Variants in CSMD1 observed in about 807,000 individuals in gnomAD.
CSMD1 encodes CUB and sushi domain-containing protein 1.
Under a neutral mutation model 417.5 loss-of-function variants are expected in CSMD1, and 213 were observed. That is an observed-to-expected ratio of 0.51 (90% CI 0.46 to 0.57). The LOEUF (loss-of-function observed/expected upper bound fraction) is 0.57. Among genes scored for constraint, CSMD1 ranks in the 20% least tolerant of loss-of-function variants. CSMD1 has a pLI of 0.00. For synonymous variants in CSMD1, 2,862 were observed against 1,736.8 expected (o/e 1.65, Z -16.11); for missense variants, 6,923 against 4,529.7 (o/e 1.53, Z -15.17).
intron 2 of CSMD1, among the ~76,000 whole-genome samples, chr8:4,617,226 A>G (rs899621447): frequency 1.3e-5 from 2 of 152,212 alleles, no homozygotes; most frequent in African/African-American, 4.8e-5. Flanking sequence ...CAAATAGTGA[A>G]TAAAGAAAAT....
At chr8:4,286,744 T>A (rs1396746467) in intron 3 of CSMD1, among the ~76,000 whole-genome samples, 1 of 152,186 alleles carries the variant, frequency 6.6e-6, no homozygotes, top group African/African-American at 2.4e-5. Context: ...CAGCATCTGA[T>A]GCTTGATAAA....
intron 49 of CSMD1, among the ~76,000 whole-genome samples, chr8:3,081,794 A>G (rs1204523054): frequency 6.6e-6 from 1 of 152,242 alleles, no homozygotes; most frequent in African/African-American, 2.4e-5. Context: ...CAAATATGAT[A>G]AAGCAAATGA....
chr8:4,552,063 T>G (rs1310442748), intron 2 of CSMD1, among the ~76,000 whole-genome samples: 3 of 152,196 alleles, frequency 2.0e-5, no homozygotes, highest in Non-Finnish European at 4.4e-5. Flanking sequence ...ATCAAATTAT[T>G]GTCAATTGAA....
chr8:4,930,877 T>A (rs1037863734), intron 1 of CSMD1, among the ~76,000 whole-genome samples: 2 of 152,250 alleles, frequency 1.3e-5, no homozygotes, highest in African/African-American at 4.8e-5. Context: ...GTTCCCAGAA[T>A]TACTGTATGT....
intron 5 of CSMD1, among the ~76,000 whole-genome samples, chr8:3,987,334 C>G (rs181288786): frequency 6.6e-6 from 1 of 152,166 alleles, no homozygotes; most frequent in Non-Finnish European, 1.5e-5. Context: ...CTCCAAGTAC[C>G]GACAGCATCT....
At chr8:4,355,129 G>T (rs921264667) in intron 3 of CSMD1, among the ~76,000 whole-genome samples, 9 of 151,912 alleles carry the variant, frequency 5.9e-5, no homozygotes, top group African/African-American at 1.2e-4. Flanking sequence ...GGGCGTGGTG[G>T]CGGGCGCCTG....
intron 5 of CSMD1, among the ~76,000 whole-genome samples, chr8:3,836,170 T>G (rs1435731856): frequency 1.3e-5 from 2 of 152,166 alleles, no homozygotes; most frequent in African/African-American, 4.8e-5. Flanking sequence ...ATTGTCTCAG[T>G]TTATTATAGA....
At chr8:4,293,399 C>T (rs941718210) in intron 3 of CSMD1, among the ~76,000 whole-genome samples, 4 of 152,274 alleles carry the variant, frequency 2.6e-5, no homozygotes, top group East Asian at 1.9e-4. Flanking sequence ...TAAGCTCCTG[C>T]ATTATTAACC....
intron 3 of CSMD1, among the ~76,000 whole-genome samples, chr8:4,186,214 C>T (rs759608556): frequency 1.3e-5 from 2 of 152,140 alleles, no homozygotes; most frequent in African/African-American, 4.8e-5. Context: ...ACACTGGAAG[C>T]TCAGGACGGC....
intron 21 of CSMD1, among the ~76,000 whole-genome samples, chr8:3,352,606 G>A (rs1461478378): frequency 6.6e-6 from 1 of 152,154 alleles, no homozygotes; most frequent in South Asian, 2.1e-4. Flanking sequence ...TTGGGAGCGC[G>A]AGGCAGGCAG....
intron 5 of CSMD1, among the ~76,000 whole-genome samples, chr8:3,897,555 C>T (rs1260312620): frequency 2.0e-5 from 3 of 151,676 alleles, no homozygotes; most frequent in Non-Finnish European, 2.9e-5. Flanking sequence ...TAAATAAATG[C>T]ATACAAAACT....
chr8:3,077,694 C>G (rs575562096), intron 49 of CSMD1, among the ~76,000 whole-genome samples: 1 of 152,234 alleles, frequency 6.6e-6, no homozygotes, highest in Non-Finnish European at 1.5e-5. Flanking sequence ...ACTGCAGCCC[C>G]GACCCCGGCT....
rs115496220 is a variant in CSMD1 at position 3,096,499 on chromosome 8, C to T, written c.7138+350G>A. 4.1e-3 allele frequency among the ~76,000 whole-genome samples: 626 copies of T among 152,266 alleles called. 1 individual carries two copies. Among genetic ancestry groups the T allele is most frequent in the African/African-American group, 0.013 (553 of 41,564 alleles). On this transcript the variant is annotated intron_variant, in intron 47 of 69. Transcript: ENST00000635120. ...CTCTGTCTCTCATGCCTGCCGTCAT[C>T]CATGTAAAATGTGACTTGCTCCTCC...
At chr8:3,788,866 C>T (rs886084061) in intron 5 of CSMD1, among the ~76,000 whole-genome samples, 1 of 152,104 alleles carries the variant, frequency 6.6e-6, no homozygotes, top group African/African-American at 2.4e-5. Context: ...ATTATGATCT[C>T]GCCCATTTTA....
At chr8:3,739,182 G>A (rs2720827) in intron 6 of CSMD1, among the ~76,000 whole-genome samples, 141,875 of 152,158 alleles carry the variant, frequency 0.93, 66,972 homozygotes, top group Non-Finnish European at 1. Flanking sequence ...GATGCATGCC[G>A]GATACTGTAA....
At chr8:4,282,374 C>T (rs1455444150) in intron 3 of CSMD1, among the ~76,000 whole-genome samples, 1 of 152,164 alleles carries the variant, frequency 6.6e-6, no homozygotes, top group African/African-American at 2.4e-5. Flanking sequence ...GGGCTCTCTT[C>T]TTCATTTTCT....
At chr8:4,561,512 G>C (rs1302380810) in intron 2 of CSMD1, among the ~76,000 whole-genome samples, 1 of 152,126 alleles carries the variant, frequency 6.6e-6, no homozygotes, top group African/African-American at 2.4e-5. Flanking sequence ...GTGAAACCCT[G>C]TCTCTACCAA....
At chr8:4,396,045 C>T (rs747147724) in intron 3 of CSMD1, among the ~76,000 whole-genome samples, 3 of 152,262 alleles carry the variant, frequency 2.0e-5, no homozygotes, top group African/African-American at 7.2e-5. Context: ...GAGTAGCTAG[C>T]TATAATGTTG....
chr8:3,823,341 A>C (rs1330568930), intron 5 of CSMD1, among the ~76,000 whole-genome samples: 1 of 152,054 alleles, frequency 6.6e-6, no homozygotes, highest in East Asian at 1.9e-4. Context: ...GGGACCCAGT[A>C]CTCTCATTTT....
Sources: allele counts gnomAD v4.1 joint callset (sites outside exome capture counted in the v4.1 genomes callset), GRCh38; gene constraint gnomAD v4.1.1; transcripts MANE v1.5; gene names NCBI Gene and HGNC (gene_info 2026-07-23, HGNC 2026-07-21).